Variants in SLC25A42 observed in about 807,000 individuals in gnomAD.
SLC25A42 encodes the protein solute carrier family 25 member 42, also known as mitochondrial coenzyme A transporter SLC25A42.
SLC25A42 carries 19 observed loss-of-function variants against 34.7 expected under a neutral mutation model. The ratio of observed to expected loss-of-function variants is 0.55; its 90% CI spans 0.38 to 0.80. The LOEUF is 0.80. SLC25A42 is among the 30% of genes least tolerant of loss of function. SLC25A42 has a pLI of 0.00. For synonymous variants in SLC25A42, 205 were observed against 191.2 expected (o/e 1.07, Z -0.59); for missense variants, 364 against 441.3 (o/e 0.82, Z 1.57).
At chr19:19,082,466 A>C (rs2068071435) in intron 1 of SLC25A42, among the ~76,000 whole-genome samples, 1 of 151,948 alleles carries the variant, frequency 6.6e-6, no homozygotes, top group Admixed American at 6.6e-5. Context: ...GGGTTCAGGC[A>C]ATTCTTGTGC....
intron 3 of SLC25A42, among the ~76,000 whole-genome samples, chr19:19,103,766 G>A (rs981359988): frequency 2.0e-5 from 3 of 152,138 alleles, no homozygotes; most frequent in Non-Finnish European, 2.9e-5. Flanking sequence ...ACCTTGAGCC[G>A]ATCCCCTACC....
intron 1 of SLC25A42, among the ~76,000 whole-genome samples, chr19:19,083,172 C>T (rs2059689815): frequency 6.6e-6 from 1 of 152,088 alleles, no homozygotes; most frequent in East Asian, 1.9e-4. Flanking sequence ...AGGCTGCTCT[C>T]ACCTGGCCCT....
chr19:19,092,858 C>T (rs557261081), intron 1 of SLC25A42, among the ~76,000 whole-genome samples: 1 of 152,242 alleles, frequency 6.6e-6, no homozygotes, highest in East Asian at 1.9e-4. Flanking sequence ...TCTGTAGCGG[C>T]AGGGGTGGTG....
chr19:19,078,528 C>T (rs1271578308), intron 1 of SLC25A42, among the ~76,000 whole-genome samples: 2 of 152,182 alleles, frequency 1.3e-5, no homozygotes, highest in African/African-American at 2.4e-5. Context: ...ATTTGCAGTA[C>T]CGATAGAGCC....
chr19:19,080,641 T>C (rs1050919909), intron 1 of SLC25A42, among the ~76,000 whole-genome samples: 4 of 151,748 alleles, frequency 2.6e-5, no homozygotes, highest in Non-Finnish European at 5.9e-5. Flanking sequence ...AAATTAAGGC[T>C]GGGCATGGTG....
At chr19:19,104,741 A>C (rs111249769) in intron 3 of SLC25A42, among the ~76,000 whole-genome samples, 172 bp from the exon 4 acceptor site, 7 of 152,100 alleles carry the variant, frequency 4.6e-5, no homozygotes, top group Admixed American at 4.6e-4. Flanking sequence ...TCTCCTCTCA[A>C]TGGAGACCCT....
chr19:19,074,902 A>G (rs893352423), intron 1 of SLC25A42, among the ~76,000 whole-genome samples: 1 of 152,102 alleles, frequency 6.6e-6, no homozygotes, highest in African/African-American at 2.4e-5. Flanking sequence ...TGTAATCCCA[A>G]CACTTTGGGA....
chr19:19,086,264 G>T (rs1009930256), intron 1 of SLC25A42, among the ~76,000 whole-genome samples: 1 of 152,164 alleles, frequency 6.6e-6, no homozygotes, highest in Non-Finnish European at 1.5e-5. Context: ...CTCCTGAGTA[G>T]CTAGGACTAC....
rs570652146 is a variant in SLC25A42, at chr19:19,064,848, C to T, written c.-35+733C>T. Among the ~76,000 whole-genome samples, 15 of 152,102 alleles carry T rather than the reference C, an allele frequency of 9.9e-5. No homozygotes were observed. The South Asian group carries it at 3.1e-3, about 32-fold the overall frequency. On this transcript the variant is annotated intron_variant, in intron 1 of 7. Coordinates refer to ENST00000318596, the MANE Select transcript of SLC25A42 (RefSeq NM_178526.5). The stretch of plus-strand genomic sequence containing the variant: ...CCTTGGTATCTCAGGATCGCTGCAC[C>T]CTCCCCTCCCCAAACAAAAGCTTAC...
intron 1 of SLC25A42, among the ~76,000 whole-genome samples, chr19:19,068,566 C>G (rs1196277190): frequency 5.3e-5 from 8 of 151,512 alleles, no homozygotes; most frequent in Non-Finnish European, 1.2e-4. Flanking sequence ...ACTCTGGAGG[C>G]TGAGGCAGGG....
chr19:19,078,678 G>A (rs780872375), intron 1 of SLC25A42, among the ~76,000 whole-genome samples: 11 of 152,208 alleles, frequency 7.2e-5, no homozygotes, highest in Non-Finnish European at 1.5e-4. Flanking sequence ...GGAAGGATCC[G>A]TAAGAAAAGG....
intron 3 of SLC25A42, among the ~76,000 whole-genome samples, chr19:19,104,537 C>G (rs959342583): frequency 1.1e-4 from 16 of 152,272 alleles, no homozygotes; most frequent in African/African-American, 3.1e-4. Flanking sequence ...GTGCTGGGAC[C>G]CTGGGAGGGG....
chr19:19,072,596 T>C (rs745338325), intron 1 of SLC25A42, among the ~76,000 whole-genome samples: 2 of 152,162 alleles, frequency 1.3e-5, no homozygotes, highest in Non-Finnish European at 2.9e-5. Flanking sequence ...TTGGCCAGGC[T>C]GGTCTCAAAC....
chr19:19,079,476 C>T (rs1053966186), intron 1 of SLC25A42, among the ~76,000 whole-genome samples: 3 of 152,148 alleles, frequency 2.0e-5, no homozygotes, highest in Non-Finnish European at 1.5e-5. Flanking sequence ...TATGGATTTA[C>T]CTGTTCTGGG....
At chr19:19,104,801 A>AG (rs2059817271) in intron 3 of SLC25A42, 112 bp from the exon 4 acceptor site, 18 of 1,093,708 alleles carry the variant, frequency 1.6e-5, no homozygotes, top group African/African-American at 2.7e-5. Flanking sequence ...CTGGGACAAG[A>AG]TTGGGGGGAA....
intron 1 of SLC25A42, among the ~76,000 whole-genome samples, chr19:19,067,900 G>A (rs1011860182): frequency 5.3e-5 from 8 of 152,060 alleles, no homozygotes; most frequent in Admixed American, 6.6e-5. Context: ...CTCTGCCCAC[G>A]TGTCATACAG....
Position 19,109,349 on chromosome 19 carries a change from C to T in SLC25A42, c.650-1220C>T, listed in dbSNP as rs575802436. On this transcript the variant is annotated intron_variant, in intron 7 of 7. Coordinates refer to ENST00000318596, the MANE Select transcript of SLC25A42 (RefSeq NM_178526.5). This position sits in a 1 kb window ranked among gnomAD's most constrained non-coding sequence, Gnocchi z 4.1. ...GTTTCTCTCTGGAGTGCTTTCCAGCCCCTTGACCCCACGTTCTCACCCCAC... is the reference window on the plus strand; with the variant it reads ...GTTTCTCTCTGGAGTGCTTTCCAGCTCCTTGACCCCACGTTCTCACCCCAC... Among the ~76,000 whole-genome samples, 1 of 152,318 alleles carries T rather than the reference C, an allele frequency of 6.6e-6. No homozygotes were observed. The highest frequency in any genetic ancestry group is 2.4e-5 in the African/African-American group (1 of 41,558).
At chr19:19,092,538 G>A (rs2059743437) in intron 1 of SLC25A42, among the ~76,000 whole-genome samples, 2 of 152,192 alleles carry the variant, frequency 1.3e-5, no homozygotes, top group African/African-American at 4.8e-5. Context: ...CTGGGCAGGT[G>A]CAGCCAAGGG....
chr19:19,097,334 TCAC>T (rs1363610484), intron 2 of SLC25A42, among the ~76,000 whole-genome samples: 1 of 151,458 alleles, frequency 6.6e-6, no homozygotes, highest in Non-Finnish European at 1.5e-5. Context: ...TTCACCGGGG[TCAC>T]CACCAGGTGA....
Sources: gnomAD v4.1 joint callset for allele counts (sites outside exome capture counted in the v4.1 genomes callset) on GRCh38, gnomAD v4.1.1 for gene constraint, Gnocchi (gnomAD v3.1) non-coding constraint, MANE v1.5 for transcripts, NCBI Gene and HGNC (gene_info 2026-07-23, HGNC 2026-07-21) for gene names.